CHD9: variants seen among roughly 807,000 people sequenced by gnomAD.
The protein encoded by CHD9 is ATP-dependent chromatin remodeler CHD9.
CHD9 carries 77 observed loss-of-function variants against 316.1 expected under a neutral mutation model. The ratio of observed to expected loss-of-function variants is 0.24; its 90% CI spans 0.20 to 0.29. The LOEUF is 0.29. CHD9 is among the 10% of genes least tolerant of loss of function. The pLI is 1.00. For synonymous variants in CHD9, 1,129 were observed against 1,158.3 expected, an observed-to-expected ratio of 0.97 and a Z score of 0.51; for missense variants, 2,763 against 3,438.1, an observed-to-expected ratio of 0.80 and a Z score of 4.91.
At chr16:53,264,570 G>A (rs373670251) in intron 20 of CHD9, among the ~76,000 whole-genome samples, 3 of 152,070 alleles carry the variant, frequency 2.0e-5, no homozygotes, top group African/African-American at 7.2e-5. Context: ...AGTATATATT[G>A]GTAATTACAT....
chr16:53,173,169 T>G (rs922263314), intron 2 of CHD9, among the ~76,000 whole-genome samples: 3 of 152,158 alleles, frequency 2.0e-5, no homozygotes, highest in Admixed American at 6.5e-5. Context: ...TATTCAGAAA[T>G]TTTCTAGATG....
At position 53,294,564 on chromosome 16, in the gene CHD9, C is replaced by T. The variant is rs557317947; in HGVS notation, c.5510+1512C>T. ...AAGAGCCACAGTTGCCTCATTCATA[C>T]GGCTAACAGTTGGTGCTAGCTGCCA... On this transcript the variant is annotated intron_variant, in intron 29 of 38. Transcript: ENST00000447540. Among the ~76,000 whole-genome samples, 17 of 152,248 alleles carry T rather than the reference C, an allele frequency of 1.1e-4. 1 individual carries two copies. In the South Asian group the frequency reaches 3.5e-3, roughly 32 times the overall value.
chr16:53,202,000 A>G (rs2045500735), intron 2 of CHD9, among the ~76,000 whole-genome samples: 1 of 151,780 alleles, frequency 6.6e-6, no homozygotes, highest in Non-Finnish European at 1.5e-5. Context: ...CTCGGACTAC[A>G]GATGTGCACC....
intron 2 of CHD9, chr16:53,168,666 A>G (rs2042450159): frequency 6.6e-6 from 1 of 152,192 alleles, no homozygotes; most frequent in African/African-American, 2.4e-5. Context: ...AGTGGCAAAA[A>G]TTGCAATTAT....
At chr16:53,191,576 T>C (rs1184480700) in intron 2 of CHD9, among the ~76,000 whole-genome samples, 1 of 152,164 alleles carries the variant, frequency 6.6e-6, no homozygotes, top group Admixed American at 6.5e-5. Context: ...AAGGCATTTG[T>C]GATTCAGTCA....
chr16:53,056,451 C>T (rs1355547687), intron 1 of CHD9, among the ~76,000 whole-genome samples: 2 of 152,212 alleles, frequency 1.3e-5, no homozygotes, highest in East Asian at 3.8e-4. Context: ...CACGGTAGAA[C>T]TATGAATACT....
At chr16:53,063,563 C>T (rs1432980220) in intron 1 of CHD9, among the ~76,000 whole-genome samples, 2 of 151,812 alleles carry the variant, frequency 1.3e-5, no homozygotes, top group African/African-American at 4.8e-5. Context: ...GACAGAGTCT[C>T]GCTCTGTCGC....
rs2055715847 is a variant in CHD9 at position 53,304,292 on chromosome 16, G to A, written c.6286G>A (p.Gly2096Arg). 3 of 1,611,672 alleles carry A rather than the reference G, an allele frequency of 1.9e-6. No individual in the cohort carries two copies. The highest frequency in any genetic ancestry group is 2.2e-5 in the East Asian group (1 of 44,868). ...GGCTACTGGAGACCAGAAATCTGGT[G>A]GAAAATGTGAAACAGACAGACGCAT... Reference protein sequence around the residue: ...PQATGDQKSGGKCETDRRMVA... With the variant: ...PQATGDQKSGRKCETDRRMVA... The change falls in exon 31 of 39, where the codon GGA (glycine) becomes AGA (arginine). Residue 2096 changes from glycine to arginine, a missense_variant. Around this residue, in one of 15 missense-constraint regions of CHD9, gnomAD observed 663 missense variants for 751.2 expected, o/e 0.88. Transcript: ENST00000447540.
chr16:53,309,399 T>C (rs2056268219), intron 34 of CHD9, among the ~76,000 whole-genome samples: 1 of 152,214 alleles, frequency 6.6e-6, no homozygotes, highest in African/African-American at 2.4e-5. Context: ...TTCTCAATTA[T>C]CGAAGTTCTG....
At chr16:53,274,142 T>A in intron 23 of CHD9, 71 bp from the exon 24 acceptor site, 1 of 921,854 alleles carries the variant, frequency 1.1e-6, no homozygotes, top group Non-Finnish European at 1.7e-6. Flanking sequence ...CTTCCTAATT[T>A]TAACCCCATG....
At chr16:53,310,359 G>A (rs1206327078) in intron 34 of CHD9, among the ~76,000 whole-genome samples, 1 of 151,808 alleles carries the variant, frequency 6.6e-6, no homozygotes, top group African/African-American at 2.4e-5. Context: ...TAACAAATGG[G>A]GAAGATAAGC....
chr16:53,192,396 C>T (rs910747288), intron 2 of CHD9, among the ~76,000 whole-genome samples: 3 of 152,122 alleles, frequency 2.0e-5, no homozygotes, highest in African/African-American at 7.2e-5. Context: ...GAATAAATAT[C>T]AAGATATTAA....
intron 16 of CHD9, chr16:53,248,291 G>A (rs8045170): frequency 0.28 from 41,755 of 150,328 alleles, 5,896 homozygotes; most frequent in Middle Eastern, 0.3. Flanking sequence ...AGCCGAGATC[G>A]TGCCTCTGCA....
At chr16:53,114,256 G>GTTA (rs1175529534) in intron 1 of CHD9, among the ~76,000 whole-genome samples, 4 of 151,906 alleles carry the variant, frequency 2.6e-5, no homozygotes, top group Admixed American at 2.6e-4. Flanking sequence ...CATTATTATT[G>GTTA]TTATTATTAT....
intron 29 of CHD9, among the ~76,000 whole-genome samples, chr16:53,294,978 A>G (rs1211654088): frequency 6.6e-6 from 1 of 152,042 alleles, no homozygotes; most frequent in South Asian, 2.1e-4. Flanking sequence ...AACTTTATCC[A>G]CTTCTTTTCC....
intron 1 of CHD9, among the ~76,000 whole-genome samples, chr16:53,063,622 T>TC (rs1167926603): frequency 1.3e-5 from 2 of 151,976 alleles, no homozygotes; most frequent in South Asian, 2.1e-4. Context: ...AAGCTCCGCC[T>TC]TCGGGTTCAC....
At chr16:53,133,317 AG>A (rs1361399157) in intron 1 of CHD9, among the ~76,000 whole-genome samples, 7 of 152,172 alleles carry the variant, frequency 4.6e-5, no homozygotes, top group Admixed American at 4.6e-4. Flanking sequence ...ATACTAAGTA[AG>A]GTGTATGAGC....
chr16:53,115,065 G>C (rs937255681), intron 1 of CHD9, among the ~76,000 whole-genome samples: 5 of 152,206 alleles, frequency 3.3e-5, no homozygotes, highest in African/African-American at 1.2e-4. Context: ...CAGGACAGGT[G>C]TTAACAGATT....
At chr16:53,144,994 C>CAAAAAAA (rs60107956) in intron 1 of CHD9, among the ~76,000 whole-genome samples, 1 of 113,518 alleles carries the variant, frequency 8.8e-6, no homozygotes, top group Non-Finnish European at 1.9e-5. Context: ...GACCCTGTCT[C>CAAAAAAA]AAAAAAAAAA....
Sources: gnomAD v4.1 joint callset for allele counts (sites outside exome capture counted in the v4.1 genomes callset) on GRCh38, gnomAD v4.1.1 for gene constraint, gnomAD v4.1.1 regional missense constraint, MANE v1.5 for transcripts, NCBI Gene and HGNC (gene_info 2026-07-23, HGNC 2026-07-21) for gene names.